TECTB: variants seen among roughly 807,000 people sequenced by gnomAD.
TECTB encodes tectorin beta.
A neutral mutation model predicts 43.3 loss-of-function variants in TECTB; 45 were observed. That is an observed-to-expected ratio of 1.04 (90% confidence interval 0.82 to 1.33). The LOEUF (loss-of-function observed/expected upper bound fraction) is 1.33. Ranked by LOEUF, TECTB falls within the 40% of genes most tolerant of loss-of-function variation. The probability of loss-of-function intolerance (pLI) is 0.00; values close to 1 mark genes in which losing one functional copy is unlikely to be tolerated. For missense variants in TECTB, 399 were observed against 404.7 expected, an observed-to-expected ratio of 0.99 and a Z score of 0.12; for synonymous variants, 169 against 156.7, an observed-to-expected ratio of 1.08 and a Z score of -0.59.
Position 112,299,472 on chromosome 10 carries a change from C to T in TECTB, c.835-20C>T. 1 of 1,614,022 alleles carries T rather than the reference C, an allele frequency of 6.2e-7. No homozygotes were observed. Among genetic ancestry groups the T allele is most frequent in the Non-Finnish European group, 8.5e-7 (1 of 1,179,844 alleles). ...CCCACCTTCCCCGCTTCTCTCCTGT[C>T]TGCCTCTCTGGGTCTTCAGACCTGC... On this transcript the variant is annotated intron_variant, in intron 8 of 10. Transcript: ENST00000646139.
chr10:112,300,234 G>GAAAT (rs1457777701), intron 9 of TECTB, among the ~76,000 whole-genome samples: 1 of 34,258 alleles, frequency 2.9e-5, no homozygotes, highest in African/African-American at 1.1e-4. Flanking sequence ...AAGAAATAAA[G>GAAAT]AAAGAAAGAA....
intron 9 of TECTB, 44 bp downstream of exon 9, chr10:112,299,608 A>C (rs755244592): frequency 1.2e-5 from 19 of 1,603,598 alleles, no homozygotes; most frequent in South Asian, 2.2e-5. Flanking sequence ...GGTTGAGTTC[A>C]CGCTGGGCTG....
rs373188262 is a variant in TECTB at position 112,303,333 on chromosome 10, G to T, written c.*21G>T. 6.2e-7 allele frequency: 1 copy of T among 1,613,932 alleles called. No individual in the cohort carries two copies. The highest frequency in any genetic ancestry group is 8.5e-7 in the Non-Finnish European group (1 of 1,179,852). On this transcript the variant is annotated 3_prime_UTR_variant, in exon 11 of 11. Coordinates refer to ENST00000646139, the MANE Select transcript of TECTB (RefSeq NM_058222.3). ...TATAGGAGTTAGCCAGGCAGCTGCC[G>T]CTCCTCCACCCACAATAGTCCTCAG...
At chr10:112,287,786 G>A (rs367951053) in intron 5 of TECTB, among the ~76,000 whole-genome samples, 2 of 152,184 alleles carry the variant, frequency 1.3e-5, no homozygotes, top group Non-Finnish European at 2.9e-5. Flanking sequence ...TACTTACTGC[G>A]AAGGGAATGA....
At chr10:112,299,134 T>A (rs1183246954) in intron 8 of TECTB, among the ~76,000 whole-genome samples, 2 of 152,136 alleles carry the variant, frequency 1.3e-5, no homozygotes, top group African/African-American at 4.8e-5. Flanking sequence ...TGAACCAGAA[T>A]ACAATTGCAA....
intron 3 of TECTB, 38 bp downstream of exon 3, chr10:112,284,763 A>G (rs754597705): frequency 2.7e-5 from 38 of 1,430,294 alleles, no homozygotes; most frequent in Admixed American, 7.9e-5. Context: ...TGTTTAAGGT[A>G]AGGCAACTGG....
chr10:112,299,891 G>A (rs939474311), intron 9 of TECTB, among the ~76,000 whole-genome samples: 4 of 152,048 alleles, frequency 2.6e-5, no homozygotes, highest in East Asian at 3.9e-4. Context: ...GGCCGGGCTC[G>A]GTGGCTCACG....
chr10:112,303,508 T>A lies in TECTB; in HGVS notation c.*196T>A. On this transcript the variant is annotated 3_prime_UTR_variant, in exon 11 of 11. Transcript: ENST00000646139. The stretch of plus-strand genomic sequence containing the variant: ...TTTTCTTTCTAAGAAAAACTTAGGC[T>A]ACTTCCCGTGGCCCTTAGATCTCAC... 1 of 656,436 alleles carries A rather than the reference T, an allele frequency of 1.5e-6. No individual in the cohort carries two copies. The highest frequency in any genetic ancestry group is 2.6e-6 in the Non-Finnish European group (1 of 382,652). 40.7% of individuals were successfully genotyped at this position (656,436 alleles called of 1,614,324 possible).
At chr10:112,294,086 G>A (rs1447627992) in intron 7 of TECTB, 25 bp downstream of exon 7, 2 of 1,601,948 alleles carry the variant, frequency 1.2e-6, no homozygotes, top group Admixed American at 1.7e-5. Context: ...TAGAGACAGG[G>A]CTGAACAGTG....
intron 5 of TECTB, among the ~76,000 whole-genome samples, chr10:112,292,024 T>C (rs558503145): frequency 5.3e-5 from 8 of 151,718 alleles, no homozygotes; most frequent in African/African-American, 9.7e-5. Flanking sequence ...TAGTCGCAGC[T>C]ACTCGGGATG....
chr10:112,288,066 G>T (rs991565486), intron 5 of TECTB, among the ~76,000 whole-genome samples: 2 of 152,208 alleles, frequency 1.3e-5, no homozygotes, highest in Non-Finnish European at 2.9e-5. Context: ...AAGCCGTCCG[G>T]AGAGGAAAAT....
intron 9 of TECTB, among the ~76,000 whole-genome samples, chr10:112,301,105 A>G (rs1264601714): frequency 1.3e-5 from 2 of 152,252 alleles, no homozygotes; most frequent in Admixed American, 6.5e-5. Context: ...CAAAACAACA[A>G]TATTTCGTGA....
Position 112,303,356 on chromosome 10 carries a change from C to T in TECTB, c.*44C>T. On this transcript the variant is annotated 3_prime_UTR_variant, in exon 11 of 11. Coordinates refer to ENST00000646139, the MANE Select transcript of TECTB (RefSeq NM_058222.3). ...CCGCTCCTCCACCCACAATAGTCCT[C>T]AGCGAATGACAAACACATTTATTGT... is the stretch of plus-strand genomic sequence containing the variant. 6.2e-7 allele frequency: 1 copy of T among 1,608,280 alleles called. No individual in the cohort carries two copies. The highest frequency in any genetic ancestry group is 8.5e-7 in the Non-Finnish European group (1 of 1,174,724).
chr10:112,300,279 A>AAAGAAAGAAAGG (rs1361291056), intron 9 of TECTB, among the ~76,000 whole-genome samples: 3 of 48,360 alleles, frequency 6.2e-5, no homozygotes, highest in African/African-American at 8.9e-5. Context: ...AGAAAGAAAG[A>AAAGAAAGAAAGG]AAAGAAAGAA....
chr10:112,285,445 C>G (rs530893241), intron 3 of TECTB, among the ~76,000 whole-genome samples: 8 of 152,268 alleles, frequency 5.3e-5, no homozygotes, highest in African/African-American at 1.9e-4. Flanking sequence ...CTAAAGGCCT[C>G]ACAAGGATTC....
chr10:112,283,984 G>C (rs932134062), intron 2 of TECTB, among the ~76,000 whole-genome samples, 174 bp downstream of exon 2: 10 of 152,190 alleles, frequency 6.6e-5, no homozygotes, highest in African/African-American at 2.4e-4. Flanking sequence ...ATGGAGCAAA[G>C]ATGTATTGGA....
intron 8 of TECTB, among the ~76,000 whole-genome samples, chr10:112,298,560 G>C (rs1359673337): frequency 6.6e-6 from 1 of 152,152 alleles, no homozygotes; most frequent in Non-Finnish European, 1.5e-5. Flanking sequence ...TAACAGACTT[G>C]GAAATACTTG....
rs41310278 is a variant in TECTB at position 112,299,545 on chromosome 10, C to T, written c.888C>T (p.Val296=). 0.026 allele frequency: 42,040 copies of T among 1,613,258 alleles called. 643 individuals carry two copies. Among genetic ancestry groups the T allele is most frequent in the South Asian group, 0.036 (3,299 of 91,000 alleles). ...GAGACCAGACCGGGGGAGTCCTGGT[C>T]GTGGAGCTCTCCCTGCGGAGTAAGC... ...LLRDQTGGVL[V]VELSLRSRGF... The change falls in exon 9 of 11, where the codon GTC becomes GTT. Residue 296 remains valine, a synonymous_variant. Transcript: ENST00000646139.
intron 3 of TECTB, among the ~76,000 whole-genome samples, chr10:112,285,499 C>T (rs1158560502): frequency 1.3e-5 from 2 of 152,192 alleles, no homozygotes; most frequent in Admixed American, 6.6e-5. Context: ...AACAAGACAT[C>T]ATGTCTTTGA....
Sources: gnomAD v4.1 joint callset for allele counts (sites outside exome capture counted in the v4.1 genomes callset) on GRCh38, gnomAD v4.1.1 for gene constraint, MANE v1.5 for transcripts, NCBI Gene and HGNC (gene_info 2026-07-23, HGNC 2026-07-21) for gene names.